The following MAP4 variants were observed in gnomAD, a reference collection of about 807,000 sequenced individuals.
MAP4 encodes microtubule-associated protein 4.
Under a neutral mutation model 170.2 loss-of-function variants are expected in MAP4, and 76 were observed. That is an observed-to-expected ratio of 0.45 (90% CI 0.37 to 0.54). The LOEUF (loss-of-function observed/expected upper bound fraction) is 0.54, where lower values mean the gene tolerates loss of function less well. Among genes scored for constraint, MAP4 ranks in the 20% least tolerant of loss-of-function variants. The probability of loss-of-function intolerance (pLI) is 0.00; values close to 1 mark genes in which losing one functional copy is unlikely to be tolerated. For synonymous variants in MAP4, 909 were observed against 994.5 expected (o/e 0.91, Z 1.62); for missense variants, 2,506 against 2,748.0 (o/e 0.91, Z 1.97).
chr3:47,857,373 G>C, intron 18 of MAP4, 58 bp downstream of exon 18: 1 of 1,429,040 alleles, frequency 7.0e-7, no homozygotes, highest in Non-Finnish European at 9.9e-7. Context: ...CTGCCCAGCT[G>C]ACCCATGGCA....
chr3:48,079,775 ACCGT>A (rs2100145671), intron 1 of MAP4, among the ~76,000 whole-genome samples: 1 of 151,680 alleles, frequency 6.6e-6, no homozygotes, highest in South Asian at 2.1e-4. Context: ...AAAGTGAAAC[ACCGT>A]CTCTACTAAT....
chr3:47,929,149 G>A (rs2100047848), intron 3 of MAP4, among the ~76,000 whole-genome samples: 1 of 152,152 alleles, frequency 6.6e-6, no homozygotes, highest in Non-Finnish European at 1.5e-5. Flanking sequence ...GAGGTCAGGA[G>A]TTCGAGACCA....
Position 47,909,986 on chromosome 3 carries a change from C to A in MAP4, c.4435G>T (p.Val1479Leu). Residue 1479 changes from valine to leucine, a missense_variant, in exon 9 of 21, where the codon GTA becomes TTA. Coordinates refer to ENST00000683076, the MANE Select transcript of MAP4 (RefSeq NM_001385682.1). Reference protein sequence around the residue: ...APAQISKSLMVDNYTKDGVPG... With the variant: ...APAQISKSLMLDNYTKDGVPG... ...ACTCCATCTTTGGTGTAGTTATCTA[C>A]CATTAATGATTTGGAAATCTGGGCT... The A allele has an allele frequency of 6.2e-7, 1 of 1,613,976 alleles. No homozygotes were observed.
At chr3:48,072,339 G>A (rs1036620958) in intron 1 of MAP4, among the ~76,000 whole-genome samples, 26 of 151,980 alleles carry the variant, frequency 1.7e-4, no homozygotes, top group African/African-American at 6.0e-4. Context: ...GCAAAACTGC[G>A]TCTCTACAAA....
intron 3 of MAP4, among the ~76,000 whole-genome samples, chr3:47,972,803 G>A (rs925250631): frequency 4.6e-5 from 7 of 151,874 alleles, no homozygotes; most frequent in South Asian, 2.1e-4. Flanking sequence ...GGAGAATGGC[G>A]TGAACCCGGG....
chr3:48,036,632 T>C (rs2100118872), intron 1 of MAP4, among the ~76,000 whole-genome samples: 1 of 152,218 alleles, frequency 6.6e-6, no homozygotes, highest in African/African-American at 2.4e-5. Context: ...TCTTTCTATG[T>C]AAACAGTACC....
chr3:47,915,506 G>A (rs2100038271), intron 7 of MAP4, among the ~76,000 whole-genome samples: 1 of 151,936 alleles, frequency 6.6e-6, no homozygotes, highest in South Asian at 2.1e-4. Flanking sequence ...TTGGTATGAG[G>A]GGCAAAAAAG....
intron 4 of MAP4, among the ~76,000 whole-genome samples, chr3:47,926,643 C>A (rs144919852): frequency 6.6e-6 from 1 of 152,056 alleles, no homozygotes; most frequent in Non-Finnish European, 1.5e-5. Flanking sequence ...CAAGTGATTC[C>A]CCCACCCCAG....
Position 47,910,600 on chromosome 3 carries a change from T to C in MAP4, c.3821A>G (p.His1274Arg), listed in dbSNP as rs1175580494. The C allele has an allele frequency of 7.8e-6, 12 of 1,536,130 alleles. No individual in the cohort carries two copies. Among genetic ancestry groups the C allele is most frequent in the South Asian group, 7.1e-5 (6 of 84,058 alleles). The stretch of plus-strand genomic sequence containing the variant: ...TTCCACTGTGGGTGTATCTGGTGTA[T>C]GTGAGAACGAAGAATCATGCATTTT... ...FPKMHDSSFS[H>R]TPDTPTVEAV... The change falls in exon 9 of 21, where the codon CAT (histidine) becomes CGT (arginine). Residue 1274 changes from histidine (H) to arginine (R), a missense_variant. Around this residue, in one of 3 missense-constraint regions of MAP4, gnomAD observed 2,008 missense variants for 2,206.0 expected, o/e 0.91. Transcript: ENST00000683076.
At chr3:47,859,836 C>G (rs2062788786) in intron 17 of MAP4, among the ~76,000 whole-genome samples, 1 of 152,218 alleles carries the variant, frequency 6.6e-6, no homozygotes, top group Admixed American at 6.5e-5. Flanking sequence ...TTATAGGCAT[C>G]TCCAAAATGG....
chr3:47,940,525 T>G (rs1372016856), intron 3 of MAP4, among the ~76,000 whole-genome samples: 2 of 152,194 alleles, frequency 1.3e-5, no homozygotes, highest in Admixed American at 1.3e-4. Context: ...CCCTAGAGAC[T>G]TTGATTCTCC....
chr3:47,888,817 C>T (rs1298967867), intron 10 of MAP4, among the ~76,000 whole-genome samples: 2 of 152,178 alleles, frequency 1.3e-5, no homozygotes, highest in Non-Finnish European at 2.9e-5. Context: ...TGGAATATTT[C>T]CTTAACCTAT....
At chr3:47,891,294 G>C in intron 10 of MAP4, 1 of 1,536,178 alleles carries the variant, frequency 6.5e-7, no homozygotes. Context: ...TTGCTGAAGT[G>C]AGCCAATTCT....
chr3:48,025,019 C>T (rs1458577283), intron 1 of MAP4, among the ~76,000 whole-genome samples: 1 of 151,806 alleles, frequency 6.6e-6, no homozygotes, highest in East Asian at 1.9e-4. Flanking sequence ...GTGGCATGAC[C>T]ATGACTTACT....
intron 1 of MAP4, among the ~76,000 whole-genome samples, chr3:48,003,033 T>G (rs910921358): frequency 6.6e-6 from 1 of 151,198 alleles, no homozygotes; most frequent in Non-Finnish European, 1.5e-5. Flanking sequence ...TATAATAAAG[T>G]TAAATCCAAT....
At chr3:47,879,634 G>A (rs2096295499) in intron 10 of MAP4, among the ~76,000 whole-genome samples, 1 of 152,074 alleles carries the variant, frequency 6.6e-6, no homozygotes, top group South Asian at 2.1e-4. Context: ...GTGTGTTTGT[G>A]TGTGTAGTGC....
At chr3:48,030,212 G>C (rs2154515377) in intron 1 of MAP4, among the ~76,000 whole-genome samples, 1 of 151,212 alleles carries the variant, frequency 6.6e-6, no homozygotes, top group Non-Finnish European at 1.5e-5. Flanking sequence ...AACACAGTGA[G>C]ACCCTGTCTC....
intron 1 of MAP4, among the ~76,000 whole-genome samples, chr3:48,080,293 A>G (rs1355317221): frequency 1.3e-5 from 2 of 152,214 alleles, no homozygotes; most frequent in African/African-American, 4.8e-5. Context: ...CTGCATAGAG[A>G]ACTGGAGGAA....
chr3:47,967,545 G>A (rs958717524), intron 3 of MAP4, among the ~76,000 whole-genome samples: 14 of 152,184 alleles, frequency 9.2e-5, no homozygotes, highest in African/African-American at 3.1e-4. Flanking sequence ...TCGGCTACTC[G>A]GCAGGGTGAG....
Sources: allele counts gnomAD v4.1 joint callset (sites outside exome capture counted in the v4.1 genomes callset), GRCh38; gene constraint gnomAD v4.1.1; regional missense constraint gnomAD v4.1.1; transcripts MANE v1.5; gene names NCBI Gene and HGNC (gene_info 2026-07-23, HGNC 2026-07-21).